ASIP: variants seen among roughly 807,000 people sequenced by gnomAD.
ASIP encodes the protein agouti signaling protein.
A neutral mutation model predicts 10.3 loss-of-function variants in ASIP; 11 were observed. The ratio of observed to expected loss-of-function variants is 1.07; its 90% CI spans 0.68 to 1.78. The LOEUF is 1.78. ASIP is among the 40% of genes most tolerant of loss of function. ASIP has a pLI of 0.00. For synonymous variants in ASIP, 70 were observed against 70.8 expected, an observed-to-expected ratio of 0.99 and a Z score of 0.06; for missense variants, 180 against 169.2, an observed-to-expected ratio of 1.06 and a Z score of -0.35.
At chr20:34,196,375 G>T (rs1445259964) in intron 1 of ASIP, among the ~76,000 whole-genome samples, 1 of 151,682 alleles carries the variant, frequency 6.6e-6, no homozygotes, top group Non-Finnish European at 1.5e-5. Flanking sequence ...GGGTTTCACT[G>T]TGTTAGCCAG....
chr20:34,249,346 CG>C (rs1466610611), intron 1 of ASIP, among the ~76,000 whole-genome samples: 1 of 147,770 alleles, frequency 6.8e-6, no homozygotes, highest in African/African-American at 2.5e-5. Context: ...CTGAGATATC[CG>C]ATGCCCAGAG....
intron 2 of ASIP, 45 bp from the exon 3 acceptor site, chr20:34,262,787 G>A (rs1386208663): frequency 1.9e-6 from 3 of 1,609,916 alleles, no homozygotes; most frequent in South Asian, 1.1e-5. Context: ...GCAGCTCAAC[G>A]TCCCCAGAAA....
intron 3 of ASIP, among the ~76,000 whole-genome samples, chr20:34,266,517 A>G (rs1374390040): frequency 6.6e-6 from 1 of 151,944 alleles, no homozygotes; most frequent in African/African-American, 2.4e-5. Flanking sequence ...TACTAAAAAT[A>G]CAAAAATTAG....
At chr20:34,237,222 A>C (rs1320916608), upstream of ASIP, among the ~76,000 whole-genome samples, 1 of 151,608 alleles carries the variant, frequency 6.6e-6, no homozygotes, top group African/African-American at 2.4e-5. Context: ...GTCCTTTGAG[A>C]TTCCATACAA....
At chr20:34,215,663 T>A (rs910688807) in intron 1 of ASIP, 56 of 1,458,906 alleles carry the variant, frequency 3.8e-5, no homozygotes, top group Admixed American at 8.4e-5. Context: ...CCTAATTAGT[T>A]GTTGTTGAAC....
At chr20:34,264,985 G>T (rs758954696) in intron 3 of ASIP, among the ~76,000 whole-genome samples, 1 of 151,820 alleles carries the variant, frequency 6.6e-6, no homozygotes, top group Non-Finnish European at 1.5e-5. Flanking sequence ...CAGTAGAGAT[G>T]AGGTTTTGCG....
In ASIP at chr20:34,260,465, C is replaced by T. The variant is rs1342057552; in HGVS notation, c.91C>T (p.Arg31Ter). 8 of 1,614,102 alleles carry T rather than the reference C, an allele frequency of 5.0e-6. No individual in the cohort carries two copies. Among genetic ancestry groups the T allele is most frequent in the African/African-American group, 2.7e-5 (2 of 75,042 alleles). Residue 31 changes from arginine to a stop codon, truncating the protein, a stop_gained, in exon 2 of 4, where the codon CGA becomes TGA. Coordinates refer to ENST00000374954, the MANE Select transcript of ASIP (RefSeq NM_001672.3). LOFTEE classifies it high-confidence loss of function. ...NSHLPPEEKLRDDRSLRSNSS... is the reference protein window; with the variant it reads ...NSHLPPEEKL ...CCACCTGCCACCTGAGGAGAAGCTCCGAGATGACAGGAGCCTGAGAAGCAA... is the reference window on the plus strand; with the variant it reads ...CCACCTGCCACCTGAGGAGAAGCTCTGAGATGACAGGAGCCTGAGAAGCAA...
chr20:34,205,637 T>C (rs1408915570), intron 1 of ASIP, among the ~76,000 whole-genome samples: 1 of 98,544 alleles, frequency 1.0e-5, no homozygotes, highest in Non-Finnish European at 1.8e-5. Flanking sequence ...ACCCACATCC[T>C]GTCGCTTGGT....
intron 1 of ASIP, among the ~76,000 whole-genome samples, chr20:34,200,381 A>G (rs1481744689): frequency 2.0e-5 from 3 of 152,196 alleles, no homozygotes; most frequent in South Asian, 2.1e-4. Flanking sequence ...TAGTCCCTCA[A>G]ATTGGCATCC....
rs1324896547 is a variant in ASIP, at chr20:34,216,007, T to C, written c.-11+21247T>C. 3.7e-5 allele frequency: 26 copies of C among 702,762 alleles called. No individual in the cohort carries two copies. The Admixed American group carries it at 4.5e-4, about 12-fold the overall frequency. The allele number at this position is 702,762 out of a possible 1,614,324, so 43.5% of individuals were successfully genotyped here. ...AGCCCGCCTCCCAGCCTGAACTCCA[T>C]GGTCAGCCAGCGGAACGGAGCCGAG... On this transcript the variant is annotated intron_variant, in intron 1 of 3. Transcript: ENST00000568305.
At chr20:34,253,673 G>A (rs1042698745) in intron 1 of ASIP, among the ~76,000 whole-genome samples, 4 of 151,932 alleles carry the variant, frequency 2.6e-5, no homozygotes, top group Non-Finnish European at 4.4e-5. Flanking sequence ...GTTTCACCAT[G>A]TTGGCCATGC....
At chr20:34,241,545 G>A (rs2035283926) in intron 1 of ASIP, 56 bp downstream of exon 1, 2 of 985,150 alleles carry the variant, frequency 2.0e-6, no homozygotes. Flanking sequence ...CTGCTACTTT[G>A]GAAAGTTGAA....
At chr20:34,221,082 G>A (rs2035044005) in intron 1 of ASIP, among the ~76,000 whole-genome samples, 1 of 151,280 alleles carries the variant, frequency 6.6e-6, no homozygotes, top group African/African-American at 2.4e-5. Context: ...ATGTTGAAAG[G>A]GAAACAAATG....
At chr20:34,257,664 A>G (rs1007582721) in intron 1 of ASIP, among the ~76,000 whole-genome samples, 1 of 152,218 alleles carries the variant, frequency 6.6e-6, no homozygotes, top group Non-Finnish European at 1.5e-5. Context: ...AATAAGTTTC[A>G]AAACATTATG....
intron 1 of ASIP, chr20:34,215,744 T>G: frequency 1.4e-6 from 2 of 1,472,680 alleles, no homozygotes; most frequent in South Asian, 2.3e-5. Flanking sequence ...CTTTACATGA[T>G]CATCACTATA....
At chr20:34,201,149 TA>T (rs2034897554) in intron 1 of ASIP, among the ~76,000 whole-genome samples, 1 of 151,964 alleles carries the variant, frequency 6.6e-6, no homozygotes, top group African/African-American at 2.4e-5. Context: ...ACACTTGGGA[TA>T]TTTTTTACTT....
rs1205306 is a variant in ASIP at position 34,203,663 on chromosome 20, C to T, written c.-11+8903C>T. Reference sequence around the variant, plus strand: ...CCTCCCACCTCGGCCTCCCAAAGTGCTGAGATTACAGGCATGAGCCAATGC... The same window carrying T: ...CCTCCCACCTCGGCCTCCCAAAGTGTTGAGATTACAGGCATGAGCCAATGC... On this transcript the variant is annotated intron_variant, in intron 1 of 3. Transcript: ENST00000568305. Among the ~76,000 whole-genome samples the T allele has an allele frequency of 2.3e-3, 356 of 152,200 alleles. 1 individual carries two copies. In the Middle Eastern group the frequency reaches 0.054, roughly 23 times the overall value.
chr20:34,240,045 G>A (rs2035263894), upstream of ASIP, among the ~76,000 whole-genome samples: 1 of 152,210 alleles, frequency 6.6e-6, no homozygotes, highest in Non-Finnish European at 1.5e-5. Flanking sequence ...GTGGTCTTCA[G>A]TGTGTCTGAG....
chr20:34,237,075 A>G (rs2056305745), upstream of ASIP, among the ~76,000 whole-genome samples: 1 of 152,070 alleles, frequency 6.6e-6, no homozygotes, highest in African/African-American at 2.4e-5. Context: ...TATTTATTCT[A>G]TTCCATTTTT....
Sources: gnomAD v4.1 joint callset for allele counts (sites outside exome capture counted in the v4.1 genomes callset) on GRCh38, gnomAD v4.1.1 for gene constraint, MANE v1.5 for transcripts, NCBI Gene and HGNC (gene_info 2026-07-23, HGNC 2026-07-21) for gene names.